PAG1: variants seen among roughly 807,000 people sequenced by gnomAD.
PAG1 encodes the protein phosphoprotein associated with glycosphingolipid-enriched microdomains 1.
Under a neutral mutation model 31.7 loss-of-function variants are expected in PAG1, and 23 were observed. That is an observed-to-expected ratio of 0.73 (90% CI 0.52 to 1.03). The LOEUF is 1.03. Ranked by LOEUF, PAG1 falls within the 50% of genes least tolerant of loss-of-function variation. The pLI is 0.00. For missense variants in PAG1, 473 were observed against 540.7 expected (o/e 0.87, Z 1.24); for synonymous variants, 214 against 210.3 (o/e 1.02, Z -0.15).
chr8:81,021,494 T>C (rs563549634), intron 3 of PAG1, among the ~76,000 whole-genome samples: 1 of 137,824 alleles, frequency 7.3e-6, no homozygotes, highest in Admixed American at 8.1e-5. Flanking sequence ...CATTTTTCAT[T>C]ACTTCAAGTG....
At chr8:81,006,267 T>A (rs1386959064) in intron 3 of PAG1, among the ~76,000 whole-genome samples, 1 of 152,212 alleles carries the variant, frequency 6.6e-6, no homozygotes, top group East Asian at 1.9e-4. Context: ...TTATCTTGCA[T>A]CCTAAGTGAT....
chr8:81,081,423 G>A (rs1809264726), intron 1 of PAG1, among the ~76,000 whole-genome samples: 1 of 152,250 alleles, frequency 6.6e-6, no homozygotes, highest in East Asian at 1.9e-4. Flanking sequence ...GGGATCTCAT[G>A]TACCCACTGC....
At position 80,975,898 on chromosome 8, in the gene PAG1, A is replaced by G. The variant is rs1478691440; in HGVS notation, c.*646T>C. On this transcript the variant is annotated 3_prime_UTR_variant, in exon 9 of 9. Transcript: ENST00000220597. ...AAGGAACAAAGACAGAAGAGACTCC[A>G]GGGACGTCCCTCCCCATCCCTTCAC... 1 of 152,256 alleles carries G rather than the reference A, an allele frequency of 6.6e-6. No homozygotes were observed. The highest frequency in any genetic ancestry group is 6.5e-5 in the Admixed American group (1 of 15,280). The allele number at this position is 152,256 out of a possible 1,614,324, so 9.4% of individuals were successfully genotyped here. A position where few individuals can be genotyped will look rare whatever the true frequency, so the allele number is the denominator to read the frequency against.
chr8:80,996,882 G>A (rs924690801), intron 3 of PAG1, among the ~76,000 whole-genome samples: 10 of 152,304 alleles, frequency 6.6e-5, no homozygotes, highest in Admixed American at 2.6e-4. Flanking sequence ...GACAGTAAGC[G>A]GATAGGAGGC....
rs972352070 is a variant in PAG1 at position 80,974,525 on chromosome 8, C to G, written c.*2019G>C. On this transcript the variant is annotated 3_prime_UTR_variant, in exon 9 of 9. Coordinates refer to ENST00000220597, the MANE Select transcript of PAG1 (RefSeq NM_018440.4). ...CACACGACATCTTCATGGGAGAGAC[C>G]AGGCTGATTGCAAAATAATGACAAC... The G allele has an allele frequency of 1.3e-5, 2 of 152,162 alleles. No individual in the cohort carries two copies. Among genetic ancestry groups the G allele is most frequent in the East Asian group, 3.8e-4 (2 of 5,198 alleles). The allele number at this position is 152,162 out of a possible 1,614,324, so 9.4% of individuals were successfully genotyped here.
At position 80,993,311 on chromosome 8, in the gene PAG1, C is replaced by T. The variant is rs533487118; in HGVS notation, c.-80-4G>A. 379 of 1,369,672 alleles carry T rather than the reference C, an allele frequency of 2.8e-4. 1 individual carries two copies. Among genetic ancestry groups the T allele is most frequent in the South Asian group, 6.3e-4 (45 of 71,062 alleles). 84.8% of individuals were successfully genotyped at this position (1,369,672 alleles called of 1,614,324 possible). On this transcript the variant is annotated splice_polypyrimidine_tract_variant and splice_region_variant and intron_variant, in intron 3 of 8. Transcript: ENST00000220597. ...CATGGAGGCAGAGAGCTGTGTCCTG[C>T]AAAGAGACCAGTGCGTTTGGAGAGT...
chr8:81,071,990 C>CTTTAGAGGCT, intron 1 of PAG1, among the ~76,000 whole-genome samples: 1 of 152,202 alleles, frequency 6.6e-6, no homozygotes, highest in East Asian at 1.9e-4. Flanking sequence ...ACCCTATCTG[C>CTTTAGAGGCT]TTTAGAGGCT....
intron 6 of PAG1, among the ~76,000 whole-genome samples, chr8:80,985,719 G>C (rs1435395338): frequency 6.6e-6 from 1 of 152,156 alleles, no homozygotes; most frequent in African/African-American, 2.4e-5. Context: ...CTGAACTATG[G>C]GAGGCTGGAC....
chr8:81,056,698 A>G (rs1808828369), intron 2 of PAG1, among the ~76,000 whole-genome samples: 2 of 152,366 alleles, frequency 1.3e-5, no homozygotes, highest in South Asian at 4.1e-4. Context: ...AGCAATGGCA[A>G]CAAAAGCCAA....
intron 1 of PAG1, among the ~76,000 whole-genome samples, chr8:81,081,338 TAA>T (rs1200677268): frequency 6.6e-6 from 1 of 152,160 alleles, no homozygotes; most frequent in Non-Finnish European, 1.5e-5. Flanking sequence ...AAGAAATTTT[TAA>T]AAGTTATTTT....
chr8:81,011,983 C>A (rs568588846), intron 3 of PAG1, among the ~76,000 whole-genome samples: 34 of 152,292 alleles, frequency 2.2e-4, no homozygotes, highest in African/African-American at 6.5e-4. Context: ...CTTTAGATCA[C>A]TTTATCGGGA....
At chr8:80,998,174 G>C (rs1489017765) in intron 3 of PAG1, among the ~76,000 whole-genome samples, 2 of 143,592 alleles carry the variant, frequency 1.4e-5, no homozygotes, top group Non-Finnish European at 3.0e-5. Context: ...TCTGTCGCTA[G>C]GCTGGAGTGC....
chr8:80,987,820 A>G (rs1048771174), intron 5 of PAG1, among the ~76,000 whole-genome samples: 2 of 152,210 alleles, frequency 1.3e-5, no homozygotes, highest in African/African-American at 4.8e-5. Context: ...TTTCTCTCAA[A>G]ATATCTTGTA....
intron 5 of PAG1, among the ~76,000 whole-genome samples, chr8:80,988,559 C>G (rs1807473486): frequency 6.6e-6 from 1 of 152,060 alleles, no homozygotes; most frequent in Non-Finnish European, 1.5e-5. Context: ...CTCCTGGGCC[C>G]AAGAGATCCT....
chr8:81,106,882 TA>T (rs2131137880), intron 1 of PAG1, among the ~76,000 whole-genome samples: 1 of 152,346 alleles, frequency 6.6e-6, no homozygotes, highest in African/African-American at 2.4e-5. Context: ...TGGTTAGACA[TA>T]AGTGTTCGTT....
At chr8:81,103,395 A>G (rs35225995) in intron 1 of PAG1, among the ~76,000 whole-genome samples, 4,965 of 152,246 alleles carry the variant, frequency 0.033, 94 homozygotes, top group South Asian at 0.043. Context: ...CTCATTTTGG[A>G]TCCTAGAAGC....
intron 5 of PAG1, among the ~76,000 whole-genome samples, chr8:80,988,689 C>T (rs1214232913): frequency 5.9e-5 from 9 of 152,146 alleles, no homozygotes; most frequent in Non-Finnish European, 8.8e-5. Flanking sequence ...TGGCCTCAAG[C>T]GATATGCCCA....
chr8:81,016,732 C>T (rs1423885928), intron 3 of PAG1, among the ~76,000 whole-genome samples: 8 of 152,114 alleles, frequency 5.3e-5, no homozygotes, highest in Admixed American at 3.9e-4. Context: ...TAGTACCTTC[C>T]ATCAAGAAAT....
At chr8:81,106,251 G>T (rs1030725491) in intron 1 of PAG1, among the ~76,000 whole-genome samples, 10 of 152,040 alleles carry the variant, frequency 6.6e-5, no homozygotes, top group African/African-American at 2.4e-4. Flanking sequence ...TCACCATGTT[G>T]GCCAGGCTGG....
Sources: gnomAD v4.1 joint callset for allele counts (sites outside exome capture counted in the v4.1 genomes callset) on GRCh38, gnomAD v4.1.1 for gene constraint, MANE v1.5 for transcripts, NCBI Gene and HGNC (gene_info 2026-07-23, HGNC 2026-07-21) for gene names.